Variants in RNF149 observed in about 807,000 individuals in gnomAD.
RNF149 encodes the protein E3 ubiquitin-protein ligase RNF149.
In RNF149, 21 loss-of-function variants were observed where a neutral mutation model predicts 39.0. The observed-to-expected ratio is 0.54, with a 90% CI of 0.38 to 0.77. RNF149 has a LOEUF of 0.77. RNF149 is among the 30% of genes least tolerant of loss of function. The pLI, the probability that RNF149 is intolerant of heterozygous loss-of-function variation, is 0.00. For synonymous variants in RNF149, 209 were observed against 213.6 expected, an observed-to-expected ratio of 0.98 and a Z score of 0.19; for missense variants, 493 against 534.9, an observed-to-expected ratio of 0.92 and a Z score of 0.77.
chr2:101,288,771 T>C, intron 4 of RNF149: 1 of 495,354 alleles, frequency 2.0e-6, no homozygotes, highest in Non-Finnish European at 3.6e-6. Flanking sequence ...CGAGTCTTAG[T>C]GTCACCTAAG....
Position 101,308,675 on chromosome 2 carries a change from G to A in RNF149, c.-87C>T, listed in dbSNP as rs1456325511. 11 of 1,246,344 alleles carry A rather than the reference G, an allele frequency of 8.8e-6. No individual in the cohort carries two copies. Among genetic ancestry groups the A allele is most frequent in the African/African-American group, 1.6e-5 (1 of 62,170 alleles). The allele number at this position is 1,246,344 out of a possible 1,614,324, so 77.2% of individuals were successfully genotyped here. A position where few individuals can be genotyped will look rare whatever the true frequency, so the allele number is the denominator to read the frequency against. The stretch of plus-strand genomic sequence containing the variant: ...GAGCAGAGAGAAGCGGACACCCACC[G>A]CCGCCCTGGAAGACTGAGGCGGGGT... On this transcript the variant is annotated 5_prime_UTR_variant, in exon 1 of 7. Coordinates refer to ENST00000295317, the MANE Select transcript of RNF149 (RefSeq NM_173647.4).
intron 6 of RNF149, among the ~76,000 whole-genome samples, chr2:101,280,978 G>A (rs951366123): frequency 1.3e-5 from 2 of 152,130 alleles, no homozygotes; most frequent in African/African-American, 2.4e-5. Context: ...AGGCTGCAGT[G>A]AGCTGTGTTC....
At chr2:101,304,798 G>C (rs986390912) in intron 1 of RNF149, among the ~76,000 whole-genome samples, 1 of 151,534 alleles carries the variant, frequency 6.6e-6, no homozygotes, top group Non-Finnish European at 1.5e-5. Flanking sequence ...AGAAAAACTG[G>C]AGACATTCTC....
Position 101,277,239 on chromosome 2 carries a change from TAGG to T in RNF149, c.1199_1201del (p.Ser400del). Reference sequence around the variant, plus strand: ...GTGCCACTTCAGTGGGCACGTGTGCTAGGAGATGGGTCCTCCATGCCGAGAGTC... The same window carrying T: ...GTGCCACTTCAGTGGGCACGTGTGCTAGATGGGTCCTCCATGCCGAGAGTC... On this transcript the variant is annotated inframe_deletion, in exon 7 of 7. Coordinates refer to ENST00000295317, the MANE Select transcript of RNF149 (RefSeq NM_173647.4). 1.2e-6 allele frequency: 2 copies of T among 1,613,686 alleles called. No homozygotes were observed. Among genetic ancestry groups the T allele is most frequent in the Non-Finnish European group, 1.7e-6 (2 of 1,179,782 alleles).
intron 6 of RNF149, among the ~76,000 whole-genome samples, chr2:101,280,575 G>A (rs1385892115): frequency 6.6e-6 from 1 of 152,072 alleles, no homozygotes; most frequent in Admixed American, 6.6e-5. Context: ...AGAATCATGA[G>A]AGAACGGGAA....
intron 6 of RNF149, chr2:101,281,560 G>T: frequency 1.0e-5 from 3 of 301,060 alleles, no homozygotes; most frequent in Non-Finnish European, 1.2e-5. Flanking sequence ...GGAGTACAGT[G>T]ACAGGATCAT....
chr2:101,275,115 T>TTTG (rs1682283173), downstream of RNF149, among the ~76,000 whole-genome samples: 2 of 120,190 alleles, frequency 1.7e-5, no homozygotes, highest in African/African-American at 6.4e-5. Context: ...ATTTCTGTTT[T>TTTG]TTTTTTTTTT....
At position 101,278,912 on chromosome 2, in the gene RNF149, A is replaced by C. The variant is rs145149932; in HGVS notation, c.1160-1631T>G. Among the ~76,000 whole-genome samples the C allele has an allele frequency of 6.3e-3, 957 of 152,324 alleles. 4 individuals carry two copies. Among genetic ancestry groups the C allele is most frequent in the African/African-American group, 0.022 (914 of 41,570 alleles). On this transcript the variant is annotated intron_variant, in intron 6 of 6. Transcript: ENST00000295317. ...GAGTGGAAGGTGCACTTCCACAGGG[A>C]AACACCTTCTCCAGGGTCTACCATG...
At chr2:101,287,310 C>T (rs1169780814) in intron 4 of RNF149, among the ~76,000 whole-genome samples, 10 of 151,864 alleles carry the variant, frequency 6.6e-5, no homozygotes, top group Middle Eastern at 6.8e-3. Context: ...GCAACAAGAA[C>T]GAAACTCTGT....
chr2:101,301,062 A>G (rs1160003267), intron 1 of RNF149, among the ~76,000 whole-genome samples: 3 of 152,178 alleles, frequency 2.0e-5, no homozygotes, highest in East Asian at 1.9e-4. Flanking sequence ...ACAGAAACTC[A>G]AAAGACTTGG....
At chr2:101,292,791 A>G (rs1454800201) in intron 3 of RNF149, among the ~76,000 whole-genome samples, 1 of 152,044 alleles carries the variant, frequency 6.6e-6, no homozygotes, top group Non-Finnish European at 1.5e-5. Flanking sequence ...AAGAACTGCA[A>G]TTTCCTGCTA....
At chr2:101,301,829 C>T (rs1683465242) in intron 1 of RNF149, among the ~76,000 whole-genome samples, 1 of 152,206 alleles carries the variant, frequency 6.6e-6, no homozygotes, top group Non-Finnish European at 1.5e-5. Flanking sequence ...TGTACTATTT[C>T]TCCTCTCAAG....
rs988783990 is a variant in RNF149, at chr2:101,308,670, C to T, written c.-82G>A. On this transcript the variant is annotated 5_prime_UTR_variant, in exon 1 of 7. Coordinates refer to ENST00000295317, the MANE Select transcript of RNF149 (RefSeq NM_173647.4). ...TCGAAGAGCAGAGAGAAGCGGACACCCACCGCCGCCCTGGAAGACTGAGGC... is the reference window on the plus strand; with the variant it reads ...TCGAAGAGCAGAGAGAAGCGGACACTCACCGCCGCCCTGGAAGACTGAGGC... The T allele has an allele frequency of 9.5e-6, 12 of 1,262,712 alleles. No homozygotes were observed. The highest frequency in any genetic ancestry group is 3.2e-5 in the African/African-American group (2 of 62,492). 78.2% of individuals were successfully genotyped at this position (1,262,712 alleles called of 1,614,324 possible).
At chr2:101,285,991 C>T (rs1682778058) in intron 5 of RNF149, 90 bp downstream of exon 5, 1 of 751,460 alleles carries the variant, frequency 1.3e-6, no homozygotes. Context: ...GAGCATTTCA[C>T]CTGTTCCTCT....
At chr2:101,272,507 G>T (rs188159825), downstream of RNF149, among the ~76,000 whole-genome samples, 35 of 152,078 alleles carry the variant, frequency 2.3e-4, no homozygotes, top group African/African-American at 7.7e-4. Flanking sequence ...TAAGTACCTG[G>T]GTTGTTGTAG....
chr2:101,299,197 G>A (rs1027533357), intron 1 of RNF149, among the ~76,000 whole-genome samples: 2 of 152,102 alleles, frequency 1.3e-5, no homozygotes, highest in African/African-American at 4.8e-5. Flanking sequence ...TATAAAGAAC[G>A]TTCCCTGACA....
Position 101,275,692 on chromosome 2 carries a change from C to T in RNF149, c.*1546G>A, listed in dbSNP as rs916019863. On this transcript the variant is annotated 3_prime_UTR_variant, in exon 7 of 7. Coordinates refer to ENST00000295317, the MANE Select transcript of RNF149 (RefSeq NM_173647.4). Reference sequence around the variant, plus strand: ...TCCTGACCTCGTGATCCGCCCGCCTCGGCCTCCCAAAGTGCTGGGATTACA... The same window carrying T: ...TCCTGACCTCGTGATCCGCCCGCCTTGGCCTCCCAAAGTGCTGGGATTACA... 2.8e-3 allele frequency: 915 copies of T among 327,168 alleles called. No homozygotes were observed. The highest frequency in any genetic ancestry group is 0.013 in the African/African-American group (506 of 38,408). 20.3% of individuals were successfully genotyped at this position (327,168 alleles called of 1,614,324 possible).
chr2:101,305,593 T>C (rs1033407262), intron 1 of RNF149, among the ~76,000 whole-genome samples: 2 of 152,118 alleles, frequency 1.3e-5, no homozygotes, highest in Non-Finnish European at 2.9e-5. Flanking sequence ...ACATCTTTGA[T>C]TGTCAGAAGT....
At chr2:101,273,068 T>G, downstream of RNF149, 1 of 1,358,592 alleles carries the variant, frequency 7.4e-7, no homozygotes, top group Non-Finnish European at 9.8e-7. Flanking sequence ...GGAGCAGTCT[T>G]CTGGGAAAGG....
Sources: gnomAD v4.1 joint callset for allele counts (sites outside exome capture counted in the v4.1 genomes callset) on GRCh38, gnomAD v4.1.1 for gene constraint, MANE v1.5 for transcripts, NCBI Gene and HGNC (gene_info 2026-07-23, HGNC 2026-07-21) for gene names.